Variants in KRT5 observed in about 807,000 individuals in gnomAD.
KRT5 encodes keratin 5.
Under a neutral mutation model 44.0 loss-of-function variants are expected in KRT5, and 17 were observed. The ratio of observed to expected loss-of-function variants is 0.39; its 90% CI spans 0.26 to 0.58. The LOEUF (loss-of-function observed/expected upper bound fraction) is 0.58, where lower values mean the gene tolerates loss of function less well. KRT5 is among the 20% of genes least tolerant of loss of function. The pLI, the probability that KRT5 is intolerant of heterozygous loss-of-function variation, is 0.61. For synonymous variants in KRT5, 329 were observed against 312.8 expected (o/e 1.05, Z -0.55); for missense variants, 737 against 785.5 (o/e 0.94, Z 0.74).
chr12:52,515,329 C>G, intron 8 of KRT5, 89 bp from the exon 9 acceptor site: 3 of 1,551,252 alleles, frequency 1.9e-6, no homozygotes, highest in Non-Finnish European at 2.6e-6. Context: ...TGTTGGAGCA[C>G]TCTACTGGAC....
chr12:52,515,249 A>C lies in KRT5; in HGVS notation c.1475-9T>G. 1 of 1,604,632 alleles carries C rather than the reference A, an allele frequency of 6.2e-7. No homozygotes were observed. The highest frequency in any genetic ancestry group is 8.5e-7 in the Non-Finnish European group (1 of 1,179,900). ...ACTGCTTGTGACAACAGCTGCAGGG[A>C]AAGGAGGGAGGACTCAGTGAGACCA... On this transcript the variant is annotated splice_polypyrimidine_tract_variant and intron_variant, in intron 8 of 8. Transcript: ENST00000252242.
At position 52,519,811 on chromosome 12, in the gene KRT5, C is replaced by A. The variant is rs762648653; in HGVS notation, c.486G>T (p.Gln162His). The part of the protein sequence containing the change: ...PLNLQIDPSI[Q>H]RVRTEEREQI... ...GCTCGCGCTCCTCGGTCCTCACCCT[C>A]TGGATGCTGGGGTCGATTTGCAGGT... is the stretch of plus-strand genomic sequence containing the variant. Residue 162 changes from glutamine to histidine, a missense_variant, in exon 1 of 9, where the codon CAG becomes CAT. Gln to His is a conservative substitution (Grantham distance 24). Transcript: ENST00000252242. The A allele has an allele frequency of 1.1e-5, 17 of 1,614,134 alleles. 1 individual carries two copies. The South Asian group carries it at 1.9e-4, about 18-fold the overall frequency.
chr12:52,516,884 GTTGCT>G (rs1176380608), intron 6 of KRT5, 27 bp from the exon 7 acceptor site: 1 of 1,612,264 alleles, frequency 6.2e-7, no homozygotes, highest in Non-Finnish European at 8.5e-7. Flanking sequence ...GGAGAGTGGG[GTTGCT>G]TGGGACCTGA....
chr12:52,518,326 C>G (rs1938649741), intron 2 of KRT5, 163 bp from the exon 3 acceptor site: 1 of 720,824 alleles, frequency 1.4e-6, no homozygotes, highest in African/African-American at 1.7e-5. Flanking sequence ...GGCCAAGGTC[C>G]CTCCCCATTT....
At chr12:52,516,085 A>T in intron 7 of KRT5, 1 of 578,774 alleles carries the variant, frequency 1.7e-6, no homozygotes, top group South Asian at 2.2e-5. Context: ...GGGAAAGTAT[A>T]AGAGATTTGG....
chr12:52,519,698 T>C lies in KRT5; in HGVS notation c.555+44A>G, dbSNP rs748253152. 2.4e-5 allele frequency: 37 copies of C among 1,573,068 alleles called. No homozygotes were observed. The Middle Eastern group carries it at 5.4e-4, about 23-fold the overall frequency. ...TCCTTCTTTCTCTCTCTTTGGCATTTATTTCAGACCCACAGTGATTTTTTA... is the reference window on the plus strand; with the variant it reads ...TCCTTCTTTCTCTCTCTTTGGCATTCATTTCAGACCCACAGTGATTTTTTA... On this transcript the variant is annotated intron_variant, in intron 1 of 8. Transcript: ENST00000252242.
rs762388603 is a variant in KRT5 at position 52,519,054 on chromosome 12, T to C, written c.662A>G (p.Gln221Arg). 20 of 1,614,222 alleles carry C rather than the reference T, an allele frequency of 1.2e-5. No homozygotes were observed. The highest frequency in any genetic ancestry group is 6.6e-5 in the South Asian group (6 of 91,084). The change falls in exon 2 of 9, where the codon CAG (glutamine) becomes CGG (arginine). Residue 221 changes from glutamine to arginine, a missense_variant. Transcript: ENST00000252242. ...CTGCCTCCTGAGGTTGTTGATGTAC[T>C]GCTCGAACAACGGCTCCAGGTTCTG... ...VRQNLEPLFE[Q>R]YINNLRRQLD... is the part of the protein sequence containing the mutation.
chr12:52,518,556 A>C (rs541079880), intron 2 of KRT5: 1 of 541,850 alleles, frequency 1.8e-6, no homozygotes, highest in East Asian at 4.4e-5. Context: ...GGTTCATAAG[A>C]CTAAAGAAAT....
chr12:52,516,901 G>A lies in KRT5; in HGVS notation c.1219-44C>T, dbSNP rs750902479. On this transcript the variant is annotated intron_variant, in intron 6 of 8. Transcript: ENST00000252242. ...AGAGTGGGGTTGCTTGGGACCTGAG[G>A]TGTCTCCTTCTGAGTTTCTGGGTCA... 4.4e-6 allele frequency: 7 copies of A among 1,605,100 alleles called. No homozygotes were observed. In the African/African-American group the frequency reaches 9.4e-5, roughly 21 times the overall value.
chr12:52,517,072 GGCCCC>G, intron 6 of KRT5, 30 bp downstream of exon 6: 1 of 1,613,448 alleles, frequency 6.2e-7, no homozygotes, highest in African/African-American at 1.3e-5. Context: ...TTAGAACTCA[GGCCCC>G]TTCCTTGCCC....
chr12:52,518,494 CT>C (rs1356268918), intron 2 of KRT5: 12 of 570,408 alleles, frequency 2.1e-5, no homozygotes, highest in East Asian at 4.1e-5. Context: ...CTTTCAGAGG[CT>C]TTAAAAAAAA....
At chr12:52,518,054 C>T in intron 3 of KRT5, 49 bp downstream of exon 3, 1 of 1,612,376 alleles carries the variant, frequency 6.2e-7, no homozygotes, top group Non-Finnish European at 8.5e-7. Flanking sequence ...GAGCTCCACG[C>T]TTAGAGAGCA....
chr12:52,517,025 A>G, intron 6 of KRT5, 82 bp downstream of exon 6: 2 of 1,584,988 alleles, frequency 1.3e-6, no homozygotes, highest in Non-Finnish European at 1.7e-6. Context: ...TGTGTTTAGC[A>G]AAAGTAAAAC....
intron 5 of KRT5, 83 bp downstream of exon 5, chr12:52,517,507 C>T: frequency 6.9e-7 from 1 of 1,451,886 alleles, no homozygotes; most frequent in East Asian, 2.3e-5. Context: ...GTTCCAGGAG[C>T]CCCATTCTTA....
intron 2 of KRT5, 136 bp downstream of exon 2, chr12:52,518,810 T>C (rs1176301599): frequency 2.8e-6 from 3 of 1,060,994 alleles, no homozygotes; most frequent in Non-Finnish European, 4.3e-6. Flanking sequence ...GTTTGTTTGT[T>C]TTAGTACTGG....
Position 52,515,027 on chromosome 12 carries a change from A to G in KRT5, c.1688T>C (p.Val563Ala). ...FSASSGRGLG[V>A]GFGSGGGSSS... ...GCTACCCCCGCCACTGCCAAAGCCC[A>G]CCCCCAGCCCTCGGCCACTGCTTGC... Residue 563 changes from valine (V) to alanine (A), a missense_variant, in exon 9 of 9, where the codon GTG becomes GCG. Val to Ala is a moderately conservative substitution (Grantham distance 64). Around this residue, in one of 5 missense-constraint regions of KRT5, gnomAD observed 344 missense variants for 351.6 expected, o/e 0.98. Coordinates refer to ENST00000252242, the MANE Select transcript of KRT5 (RefSeq NM_000424.4). 1 of 1,180,738 alleles carries G rather than the reference A, an allele frequency of 8.5e-7. No individual in the cohort carries two copies. The highest frequency in any genetic ancestry group is 1.2e-6 in the Non-Finnish European group (1 of 856,564). The allele number at this position is 1,180,738 out of a possible 1,614,324, so 73.1% of individuals were successfully genotyped here. A position where few individuals can be genotyped will look rare whatever the true frequency, so the allele number is the denominator to read the frequency against.
chr12:52,517,526 A>T (rs1014380098), intron 5 of KRT5, 64 bp downstream of exon 5: 2 of 1,553,134 alleles, frequency 1.3e-6, no homozygotes, highest in Non-Finnish European at 1.8e-6. Context: ...TAGTGTCGTC[A>T]TGGCCTAGAA....
Position 52,518,999 on chromosome 12 carries a change from G to T in KRT5, c.717C>A (p.Arg239=), listed in dbSNP as rs1022707698. Residue 239 remains arginine (R), a synonymous_variant, in exon 2 of 9, where the codon CGC becomes CGA. Transcript: ENST00000252242. ...QLDSIVGERG[R]LDSELRNMQD... is the part of the protein sequence containing the mutation. ...GCATGTTTCTCAGCTCTGAGTCCAG[G>T]CGGCCCCGTTCCCCCACGATGCTGT... The T allele has an allele frequency of 5.6e-6, 9 of 1,613,988 alleles. No individual in the cohort carries two copies. The highest frequency in any genetic ancestry group is 7.6e-6 in the Non-Finnish European group (9 of 1,180,032).
At chr12:52,518,497 TA>T (rs56359703) in intron 2 of KRT5, 10,817 of 387,284 alleles carry the variant, frequency 0.028, 17 homozygotes, top group Non-Finnish European at 0.031. Flanking sequence ...TCAGAGGCTT[TA>T]AAAAAAAAAA....
Sources: gnomAD v4.1 joint callset for allele counts on GRCh38, gnomAD v4.1.1 for gene constraint, gnomAD v4.1.1 regional missense constraint, MANE v1.5 for transcripts, NCBI Gene and HGNC (gene_info 2026-07-23, HGNC 2026-07-21) for gene names.